The following VWC2 variants were observed in gnomAD, a reference collection of about 807,000 sequenced individuals.
VWC2 encodes brorin.
VWC2 carries 14 observed loss-of-function variants against 29.8 expected under a neutral mutation model. That is an observed-to-expected ratio of 0.47 (90% CI 0.31 to 0.74). VWC2 has a LOEUF of 0.74. VWC2 is among the 30% of genes least tolerant of loss of function. The pLI is 0.05. For synonymous variants in VWC2, 213 were observed against 199.0 expected (o/e 1.07, Z -0.59); for missense variants, 457 against 459.8 (o/e 0.99, Z 0.05).
chr7:49,899,698 GA>G (rs1792604046), intron 3 of VWC2, among the ~76,000 whole-genome samples: 2 of 151,918 alleles, frequency 1.3e-5, no homozygotes, highest in Admixed American at 1.3e-4. Flanking sequence ...ACTGCAAGAA[GA>G]AACAGGTGAA....
At chr7:49,903,457 T>A (rs1792887766) in intron 3 of VWC2, among the ~76,000 whole-genome samples, 1 of 152,156 alleles carries the variant, frequency 6.6e-6, no homozygotes, top group Non-Finnish European at 1.5e-5. Context: ...TCTCAAAGGC[T>A]TTATGCTGAG....
rs532439192 is a variant in VWC2 at position 49,893,871 on chromosome 7, A to T, written c.827-18163A>T. ...GTAAAGTTTGGAATACTTGGGAATTATCTGTTGTTTAATTTCAGAAAATGG... is the reference window on the plus strand; with the variant it reads ...GTAAAGTTTGGAATACTTGGGAATTTTCTGTTGTTTAATTTCAGAAAATGG... On this transcript the variant is annotated intron_variant, in intron 3 of 3. Transcript: ENST00000340652. Among the ~76,000 whole-genome samples the T allele has an allele frequency of 2.1e-4, 32 of 152,308 alleles. No homozygotes were observed. In the East Asian group the frequency reaches 5.8e-3, roughly 28 times the overall value.
In VWC2 at chr7:49,783,252, A is replaced by T. The variant is rs1208256341; in HGVS notation, c.696+7121A>T. On this transcript the variant is annotated intron_variant, in intron 2 of 3. Coordinates refer to ENST00000340652, the MANE Select transcript of VWC2 (RefSeq NM_198570.5). The stretch of plus-strand genomic sequence containing the variant: ...ATCCTAGAGATGTGACGGGAAGTAA[A>T]TGGCCCCCTCCAGGAGACAGGCAGC... Among the ~76,000 whole-genome samples the T allele has an allele frequency of 3.3e-5, 5 of 152,050 alleles. No individual in the cohort carries two copies. In the East Asian group the frequency reaches 9.6e-4, roughly 29 times the overall value.
chr7:49,853,247 A>G (rs1790270466), intron 3 of VWC2, among the ~76,000 whole-genome samples: 1 of 152,216 alleles, frequency 6.6e-6, no homozygotes, highest in African/African-American at 2.4e-5. Flanking sequence ...CATGTTCTGC[A>G]TGGCAGACCC....
In VWC2 at chr7:49,912,057, G is replaced by A. The variant is rs149079306; in HGVS notation, c.850G>A (p.Ala284Thr). Reference protein sequence around the residue: ...KNGPNCFAETAVIPAGREVKT... With the variant: ...KNGPNCFAETTVIPAGREVKT... ...AGGTCCAAACTGCTTTGCAGAAACCGCGGTGATCCCTGCTGGCAGAGAAGT... is the reference window on the plus strand; with the variant it reads ...AGGTCCAAACTGCTTTGCAGAAACCACGGTGATCCCTGCTGGCAGAGAAGT... The change falls in exon 4 of 4, where the codon GCG becomes ACG. Residue 284 changes from alanine (A) to threonine (T), a missense_variant. Transcript: ENST00000340652. The A allele has an allele frequency of 3.0e-4, 491 of 1,613,618 alleles. No individual in the cohort carries two copies. The highest frequency in any genetic ancestry group is 3.5e-4 in the Non-Finnish European group (408 of 1,179,882).
At chr7:49,808,549 A>G (rs1307197095) in intron 3 of VWC2, among the ~76,000 whole-genome samples, 1 of 152,070 alleles carries the variant, frequency 6.6e-6, no homozygotes, top group African/African-American at 2.4e-5. Context: ...TGTACAATAT[A>G]CCACCCATCC....
chr7:49,824,757 G>C (rs1789354168), intron 3 of VWC2, among the ~76,000 whole-genome samples: 1 of 151,806 alleles, frequency 6.6e-6, no homozygotes, highest in South Asian at 2.1e-4. Flanking sequence ...TATTATACAG[G>C]TTTTGCATAT....
intron 3 of VWC2, among the ~76,000 whole-genome samples, chr7:49,897,756 G>A (rs979810772): frequency 2.6e-5 from 4 of 152,152 alleles, no homozygotes; most frequent in African/African-American, 7.2e-5. Context: ...AAACCTAACC[G>A]GTAACTGATG....
chr7:49,856,941 T>C (rs1583689437), intron 3 of VWC2, among the ~76,000 whole-genome samples: 1 of 121,868 alleles, frequency 8.2e-6, no homozygotes, highest in Non-Finnish European at 1.6e-5. Context: ...CCTGGGGAGG[T>C]GGAGCTTTCA....
At chr7:49,797,908 C>T (rs13238198) in intron 2 of VWC2, among the ~76,000 whole-genome samples, 16,424 of 152,236 alleles carry the variant, frequency 0.11, 947 homozygotes, top group African/African-American at 0.12. Flanking sequence ...TGAAGAATGA[C>T]ATTTCTGCCA....
chr7:49,868,957 T>C (rs1791022777), intron 3 of VWC2, among the ~76,000 whole-genome samples: 1 of 152,234 alleles, frequency 6.6e-6, no homozygotes, highest in Non-Finnish European at 1.5e-5. Flanking sequence ...AAAGAAGTTT[T>C]CTTGTGTCAA....
At chr7:49,784,579 G>A (rs978266202) in intron 2 of VWC2, among the ~76,000 whole-genome samples, 1 of 152,224 alleles carries the variant, frequency 6.6e-6, no homozygotes, top group African/African-American at 2.4e-5. Flanking sequence ...GGGCACCCAA[G>A]AGCCTGTACT....
intron 3 of VWC2, among the ~76,000 whole-genome samples, chr7:49,812,316 G>A (rs1789032703): frequency 6.6e-6 from 1 of 152,162 alleles, no homozygotes; most frequent in South Asian, 2.1e-4. Flanking sequence ...AAATATTCCT[G>A]AATAAACCTT....
At chr7:49,830,889 G>A (rs1171764183) in intron 3 of VWC2, among the ~76,000 whole-genome samples, 2 of 152,114 alleles carry the variant, frequency 1.3e-5, no homozygotes, top group African/African-American at 4.8e-5. Context: ...TGGTGTATAT[G>A]TGCCACATTT....
intron 3 of VWC2, among the ~76,000 whole-genome samples, chr7:49,831,913 T>A (rs1427408605): frequency 6.6e-6 from 1 of 152,124 alleles, no homozygotes; most frequent in African/African-American, 2.4e-5. Context: ...TCAACAAGGC[T>A]AGAAAGAACC....
chr7:49,815,641 T>A (rs972681997), intron 3 of VWC2, among the ~76,000 whole-genome samples: 4 of 152,242 alleles, frequency 2.6e-5, no homozygotes, highest in African/African-American at 9.6e-5. Context: ...TGGTTCTTAA[T>A]AACTGAAGAC....
At chr7:49,826,109 A>G (rs887796455) in intron 3 of VWC2, among the ~76,000 whole-genome samples, 8 of 152,258 alleles carry the variant, frequency 5.3e-5, no homozygotes, top group African/African-American at 1.9e-4. Flanking sequence ...CTTTGTTGTA[A>G]TCGTCTGTTT....
In VWC2 at chr7:49,817,171, A is replaced by T. The variant is rs550918192; in HGVS notation, c.826+14331A>T. Among the ~76,000 whole-genome samples the T allele has an allele frequency of 3.3e-5, 5 of 152,330 alleles. No homozygotes were observed. The South Asian group carries it at 1.0e-3, about 32-fold the overall frequency. On this transcript the variant is annotated intron_variant, in intron 3 of 3. Transcript: ENST00000340652. ...GGCAAGGCCCTCTGTTCTTTAGAAGATTATCCATTCATACTCTTTCACCAT... is the reference window on the plus strand; with the variant it reads ...GGCAAGGCCCTCTGTTCTTTAGAAGTTTATCCATTCATACTCTTTCACCAT...
chr7:49,877,796 T>C (rs1448854356), intron 3 of VWC2, among the ~76,000 whole-genome samples: 1 of 151,680 alleles, frequency 6.6e-6, no homozygotes, highest in Non-Finnish European at 1.5e-5. Context: ...GTCATTATTA[T>C]TATTTGAAAT....
Sources: allele counts gnomAD v4.1 joint callset (sites outside exome capture counted in the v4.1 genomes callset), GRCh38; gene constraint gnomAD v4.1.1; transcripts MANE v1.5; gene names NCBI Gene and HGNC (gene_info 2026-07-23, HGNC 2026-07-21).